The following LAMA3 variants were observed in gnomAD, a reference collection of about 807,000 sequenced individuals.
LAMA3 encodes the protein laminin subunit alpha-3.
Under a neutral mutation model 402.0 loss-of-function variants are expected in LAMA3, and 281 were observed. The observed-to-expected ratio is 0.70, with a 90% CI of 0.63 to 0.77. The LOEUF is 0.77. Among genes scored for constraint, LAMA3 ranks in the 30% least tolerant of loss-of-function variants. The pLI is 0.00. For missense variants in LAMA3, 3,840 were observed against 4,215.5 expected, an observed-to-expected ratio of 0.91 and a Z score of 2.47; for synonymous variants, 1,431 against 1,558.4, an observed-to-expected ratio of 0.92 and a Z score of 1.93.
intron 2 of LAMA3, among the ~76,000 whole-genome samples, chr18:23,717,768 A>T (rs2061135841): frequency 7.6e-6 from 1 of 130,872 alleles, no homozygotes; most frequent in African/African-American, 3.2e-5. Context: ...ACAGGGTTTC[A>T]CCATGTTGGC....
chr18:23,914,186 A>C (rs914434265), intron 56 of LAMA3, among the ~76,000 whole-genome samples: 3 of 152,226 alleles, frequency 2.0e-5, no homozygotes. Flanking sequence ...GAGTGAATGG[A>C]GGAATGAATA....
chr18:23,737,327 C>T (rs979927581), intron 2 of LAMA3, among the ~76,000 whole-genome samples: 3 of 152,184 alleles, frequency 2.0e-5, no homozygotes, highest in African/African-American at 4.8e-5. Flanking sequence ...GCTGATGGGG[C>T]GGAAACCCAG....
intron 52 of LAMA3, 138 bp from the exon 53 acceptor site, chr18:23,907,412 T>C (rs912501713): frequency 2.3e-4 from 174 of 746,882 alleles, no homozygotes; most frequent in Admixed American, 1.8e-4. Flanking sequence ...GCACATGCAG[T>C]GGGCATCTCT....
chr18:23,932,402 C>A, intron 66 of LAMA3, 111 bp downstream of exon 66: 1 of 1,176,572 alleles, frequency 8.5e-7, no homozygotes. Context: ...CTGCACGAGA[C>A]CCGCATACCA....
At position 23,845,040 on chromosome 18, in the gene LAMA3, A is replaced by G. The variant is rs756610407; in HGVS notation, c.3635A>G (p.Tyr1212Cys). The G allele has an allele frequency of 1.9e-6, 3 of 1,611,670 alleles. No individual in the cohort carries two copies. The highest frequency in any genetic ancestry group is 2.5e-6 in the Non-Finnish European group (3 of 1,177,706). ...VRVLVVPAEN[Y>C]DYQILHKKSM... ...GTTCTAGTGGTGCCTGCAGAAAACT[A>G]TGACTACCAAATACTTCACAAAAAA... is the stretch of plus-strand genomic sequence containing the variant. The change falls in exon 30 of 75, where the codon TAT (tyrosine) becomes TGT (cysteine). Residue 1212 changes from tyrosine to cysteine, a missense_variant. This residue lies in a region of LAMA3 where 2,109 missense variants were observed against 2,376.0 expected (regional missense o/e 0.89). Coordinates refer to ENST00000313654, the MANE Select transcript of LAMA3 (RefSeq NM_198129.4).
At chr18:23,711,775 T>C (rs2060994647) in intron 1 of LAMA3, among the ~76,000 whole-genome samples, 1 of 152,210 alleles carries the variant, frequency 6.6e-6, no homozygotes, top group Admixed American at 6.5e-5. Flanking sequence ...CAGTGCATAA[T>C]AGGTGCTCTA....
chr18:23,864,728 A>C, intron 35 of LAMA3, 57 bp from the exon 36 acceptor site: 1 of 1,107,720 alleles, frequency 9.0e-7, no homozygotes, highest in Non-Finnish European at 1.4e-6. Flanking sequence ...ATGCGGGTTG[A>C]TGTTGACATC....
Position 23,949,935 on chromosome 18 carries a change from G to A in LAMA3, c.9511+11G>A, listed in dbSNP as rs774433009. ...GTCATGTCGTCTTGGGTAAGGAGCA[G>A]TTCTATAGAATTTAAGTCTTTGCAT... On this transcript the variant is annotated intron_variant, in intron 71 of 74. Transcript: ENST00000313654. The A allele has an allele frequency of 2.9e-5, 47 of 1,613,962 alleles. No homozygotes were observed. Among genetic ancestry groups the A allele is most frequent in the Non-Finnish European group, 4.0e-5 (47 of 1,180,024 alleles).
chr18:23,714,449 G>A (rs1408299827), intron 2 of LAMA3, among the ~76,000 whole-genome samples: 1 of 152,138 alleles, frequency 6.6e-6, no homozygotes, highest in African/African-American at 2.4e-5. Flanking sequence ...GAACCTGGGA[G>A]GTGGAGGTTG....
chr18:23,904,841 G>C, intron 51 of LAMA3, 147 bp downstream of exon 51: 2 of 813,958 alleles, frequency 2.5e-6, no homozygotes, highest in South Asian at 3.5e-5. Flanking sequence ...CCTAGATATG[G>C]GTAATTTCTG....
In LAMA3 at chr18:23,773,544, C is replaced by T. The variant is rs765798091; in HGVS notation, c.1230C>T (p.Tyr410=). 1 of 1,598,716 alleles carries T rather than the reference C, an allele frequency of 6.3e-7. No homozygotes were observed. The highest frequency in any genetic ancestry group is 2.2e-5 in the East Asian group (1 of 44,646). The part of the protein sequence containing the change: ...VNCEQCAKGY[Y]RPYGVPVDAP... ...GTGAACAGTGTGCTAAGGGCTATTA[C>T]CGCCCTTATGGGGTTCCAGTGGATG... The change falls in exon 9 of 75, where the codon TAC becomes TAT. Residue 410 remains tyrosine, a synonymous_variant. Transcript: ENST00000313654.
intron 44 of LAMA3, among the ~76,000 whole-genome samples, chr18:23,895,871 T>C (rs1473357499): frequency 6.6e-6 from 1 of 152,236 alleles, no homozygotes; most frequent in African/African-American, 2.4e-5. Flanking sequence ...CTTATTTTAC[T>C]GATTCAAAAT....
At chr18:23,692,554 G>A (rs2060611390) in intron 1 of LAMA3, among the ~76,000 whole-genome samples, 1 of 152,186 alleles carries the variant, frequency 6.6e-6, no homozygotes, top group Non-Finnish European at 1.5e-5. Context: ...TTACAGGCAT[G>A]AGCCACCGCA....
At chr18:23,824,781 C>T (rs1428069492) in intron 21 of LAMA3, among the ~76,000 whole-genome samples, 1 of 152,158 alleles carries the variant, frequency 6.6e-6, no homozygotes, top group African/African-American at 2.4e-5. Flanking sequence ...ATCCTTTCAG[C>T]TAGCTTCTCT....
chr18:23,946,886 ACACGTAAT>A (rs1162416196), intron 70 of LAMA3: 1 of 155,746 alleles, frequency 6.4e-6, no homozygotes, highest in Non-Finnish European at 1.4e-5. Flanking sequence ...AAGGTGCTTA[ACACGTAAT>A]CAAGAGGGTG....
At chr18:23,860,796 C>T (rs1406141809) in intron 34 of LAMA3, among the ~76,000 whole-genome samples, 2 of 150,192 alleles carry the variant, frequency 1.3e-5, no homozygotes, top group East Asian at 2.0e-4. Context: ...CGGGTTCAAG[C>T]GATTCTTCTG....
chr18:23,952,947 G>T (rs759966663), intron 73 of LAMA3, 43 bp from the exon 74 acceptor site: 1 of 1,612,962 alleles, frequency 6.2e-7, no homozygotes, highest in Admixed American at 1.7e-5. Context: ...CATTAAGCAG[G>T]GCTCACCTCC....
chr18:23,939,767 G>A (rs1160660657), intron 68 of LAMA3, among the ~76,000 whole-genome samples: 3 of 152,034 alleles, frequency 2.0e-5, no homozygotes, highest in African/African-American at 4.8e-5. Flanking sequence ...TTTGGTAGAC[G>A]CAGTGCCAGA....
chr18:23,948,732 G>A (rs929823041), intron 70 of LAMA3, among the ~76,000 whole-genome samples: 3 of 151,940 alleles, frequency 2.0e-5, no homozygotes, highest in East Asian at 1.9e-4. Flanking sequence ...ACCACACCTG[G>A]CTAATTTTTG....
Sources: allele counts gnomAD v4.1 joint callset (sites outside exome capture counted in the v4.1 genomes callset), GRCh38; gene constraint gnomAD v4.1.1; regional missense constraint gnomAD v4.1.1; transcripts MANE v1.5; gene names NCBI Gene and HGNC (gene_info 2026-07-23, HGNC 2026-07-21).